Variants in MARCHF1 observed in about 807,000 individuals in gnomAD.
MARCHF1 encodes membrane associated ring-CH-type finger 1.
In MARCHF1, 40 loss-of-function variants were observed where a neutral mutation model predicts 54.2. That is an observed-to-expected ratio of 0.74 (90% CI 0.57 to 0.96). The LOEUF is 0.96. Ranked by LOEUF, MARCHF1 falls within the 40% of genes least tolerant of loss-of-function variation. MARCHF1 has a pLI of 0.00. For synonymous variants in MARCHF1, 236 were observed against 236.3 expected, an observed-to-expected ratio of 1.00 and a Z score of 0.01; for missense variants, 586 against 656.5, an observed-to-expected ratio of 0.89 and a Z score of 1.17.
At chr4:164,096,780 A>G (rs1302277862) in intron 2 of MARCHF1, among the ~76,000 whole-genome samples, 1 of 152,150 alleles carries the variant, frequency 6.6e-6, no homozygotes, top group Non-Finnish European at 1.5e-5. Context: ...AAAACTGTGC[A>G]TTATTCTGAA....
At chr4:164,069,638 C>G (rs1284272477) in intron 2 of MARCHF1, among the ~76,000 whole-genome samples, 1 of 152,102 alleles carries the variant, frequency 6.6e-6, no homozygotes, top group African/African-American at 2.4e-5. Context: ...ATCCGAACAT[C>G]AGAAGGAACA....
At chr4:164,174,190 T>G (rs13135251) in intron 1 of MARCHF1, among the ~76,000 whole-genome samples, 29,148 of 152,100 alleles carry the variant, frequency 0.19, 3,258 homozygotes, top group Non-Finnish European at 0.26. Context: ...TAGTCCATAG[T>G]GAGAGGTGGG....
chr4:163,632,470 A>C (rs1742130404), intron 5 of MARCHF1, among the ~76,000 whole-genome samples: 1 of 152,124 alleles, frequency 6.6e-6, no homozygotes, highest in African/African-American at 2.4e-5. Context: ...TTTCCTAATC[A>C]AAGAAAGGGG....
intron 1 of MARCHF1, among the ~76,000 whole-genome samples, chr4:164,314,916 T>C (rs1265826548): frequency 6.6e-6 from 1 of 152,180 alleles, no homozygotes; most frequent in Non-Finnish European, 1.5e-5. Flanking sequence ...AGAAAATGTA[T>C]ATCATTTGAT....
At chr4:164,133,711 A>G (rs1579561002) in intron 1 of MARCHF1, among the ~76,000 whole-genome samples, 1 of 152,242 alleles carries the variant, frequency 6.6e-6, no homozygotes, top group East Asian at 1.9e-4. Context: ...AAAAAGAACT[A>G]AAACTCTTAA....
intron 5 of MARCHF1, among the ~76,000 whole-genome samples, chr4:163,664,638 C>G (rs1196145393): frequency 6.6e-6 from 1 of 151,996 alleles, no homozygotes; most frequent in East Asian, 1.9e-4. Context: ...AGAATAAAGA[C>G]ATTGTATCTG....
intron 4 of MARCHF1, among the ~76,000 whole-genome samples, chr4:163,781,599 G>A (rs761413455): frequency 2.0e-5 from 3 of 152,154 alleles, no homozygotes; most frequent in Non-Finnish European, 2.9e-5. Context: ...GCTGAAAAGC[G>A]GGATTCAAAG....
chr4:164,165,354 T>TTCTCTGTCTCTC (rs1470322117), intron 1 of MARCHF1, among the ~76,000 whole-genome samples: 1 of 123,004 alleles, frequency 8.1e-6, no homozygotes, highest in Admixed American at 8.7e-5. Context: ...CAAGCACGTT[T>TTCTCTGTCTCTC]TCTCTCTGTC....
intron 4 of MARCHF1, among the ~76,000 whole-genome samples, chr4:163,725,276 G>C (rs756524463): frequency 6.6e-6 from 1 of 152,002 alleles, no homozygotes; most frequent in Non-Finnish European, 1.5e-5. Context: ...AAAAGTAGTG[G>C]CATAGTGTGG....
intron 2 of MARCHF1, among the ~76,000 whole-genome samples, chr4:164,024,955 A>C (rs1273754303): frequency 6.6e-6 from 1 of 151,382 alleles, no homozygotes; most frequent in Non-Finnish European, 1.5e-5. Context: ...CGGATAGAAT[A>C]TATTTTAAAC....
intron 4 of MARCHF1, among the ~76,000 whole-genome samples, chr4:163,847,143 T>C (rs1309558966): frequency 6.6e-6 from 1 of 152,174 alleles, no homozygotes; most frequent in African/African-American, 2.4e-5. Flanking sequence ...GTGATAATGA[T>C]AAGATTCCTC....
At chr4:163,912,065 GTT>G (rs70948676) in intron 3 of MARCHF1, among the ~76,000 whole-genome samples, 109,210 of 149,210 alleles carry the variant, frequency 0.73, 40,051 homozygotes, top group Middle Eastern at 0.82. Context: ...GGAATGCAGG[GTT>G]TTTTTTTTTT....
At chr4:163,807,002 C>T (rs550905461) in intron 4 of MARCHF1, among the ~76,000 whole-genome samples, 44 of 152,088 alleles carry the variant, frequency 2.9e-4, no homozygotes, top group African/African-American at 1.0e-3. Flanking sequence ...TTAGAAGATG[C>T]CACAAAAGAG....
chr4:164,308,150 C>T (rs1199051543), intron 1 of MARCHF1, among the ~76,000 whole-genome samples: 2 of 152,140 alleles, frequency 1.3e-5, no homozygotes, highest in Non-Finnish European at 2.9e-5. Context: ...CTTTCAAAAA[C>T]CACTAAAGTT....
At chr4:164,115,591 C>A (rs552130220) in intron 1 of MARCHF1, among the ~76,000 whole-genome samples, 2 of 151,874 alleles carry the variant, frequency 1.3e-5, no homozygotes, top group African/African-American at 4.8e-5. Context: ...AAACTATATA[C>A]AAAACTGAAG....
At chr4:163,613,609 G>T in intron 5 of MARCHF1, 4 of 1,437,204 alleles carry the variant, frequency 2.8e-6, no homozygotes, top group Non-Finnish European at 3.6e-6. Flanking sequence ...GCGCTATTTT[G>T]CTGTTACTTC....
intron 3 of MARCHF1, among the ~76,000 whole-genome samples, chr4:163,901,537 C>T (rs1205169266): frequency 1.3e-5 from 2 of 152,146 alleles, no homozygotes; most frequent in Non-Finnish European, 2.9e-5. Context: ...CTCTATGGAG[C>T]ACCCAAGGCA....
At chr4:164,174,152 A>G (rs1553989118) in intron 1 of MARCHF1, among the ~76,000 whole-genome samples, 1 of 152,198 alleles carries the variant, frequency 6.6e-6, no homozygotes, top group Non-Finnish European at 1.5e-5. Flanking sequence ...CTGAGATTCA[A>G]TGTGCAATCT....
At chr4:163,752,529 A>G (rs1746554165) in intron 4 of MARCHF1, among the ~76,000 whole-genome samples, 1 of 152,158 alleles carries the variant, frequency 6.6e-6, no homozygotes, top group Non-Finnish European at 1.5e-5. Flanking sequence ...AAAAATTGTG[A>G]TAAGTGCTAT....
Sources: gnomAD v4.1 joint callset for allele counts (sites outside exome capture counted in the v4.1 genomes callset) on GRCh38, gnomAD v4.1.1 for gene constraint, MANE v1.5 for transcripts, NCBI Gene and HGNC (gene_info 2026-07-23, HGNC 2026-07-21) for gene names.